Variants in CRISPLD2 observed in about 807,000 individuals in gnomAD.
CRISPLD2 encodes the protein cysteine-rich secretory protein LCCL domain-containing 2.
A neutral mutation model predicts 71.1 loss-of-function variants in CRISPLD2; 47 were observed. The observed-to-expected ratio is 0.66, with a 90% CI of 0.52 to 0.84. The LOEUF (loss-of-function observed/expected upper bound fraction) is 0.84, where lower values mean the gene tolerates loss of function less well. Among genes scored for constraint, CRISPLD2 ranks in the 40% least tolerant of loss-of-function variants. The pLI, the probability that CRISPLD2 is intolerant of heterozygous loss-of-function variation, is 0.00. For synonymous variants in CRISPLD2, 317 were observed against 250.1 expected (o/e 1.27, Z -2.52); for missense variants, 830 against 651.1 (o/e 1.27, Z -2.99).
chr16:84,832,512 A>G (rs918402741), intron 1 of CRISPLD2, among the ~76,000 whole-genome samples: 3 of 152,258 alleles, frequency 2.0e-5, no homozygotes, highest in African/African-American at 7.2e-5. Context: ...TTTATCAAAC[A>G]CTGACTTAGA....
intron 2 of CRISPLD2, among the ~76,000 whole-genome samples, chr16:84,843,830 G>A (rs1313702477): frequency 6.6e-6 from 1 of 152,218 alleles, no homozygotes; most frequent in East Asian, 1.9e-4. Flanking sequence ...TCCTGGTTGT[G>A]TGACCTCAGG....
intron 12 of CRISPLD2, among the ~76,000 whole-genome samples, chr16:84,878,219 G>A (rs1052890978): frequency 1.3e-5 from 2 of 148,958 alleles, no homozygotes; most frequent in South Asian, 2.1e-4. Flanking sequence ...GCGAGACTCC[G>A]TCTCAAAAAA....
At chr16:84,897,290 A>C (rs1462590361) in intron 14 of CRISPLD2, among the ~76,000 whole-genome samples, 1 of 83,210 alleles carries the variant, frequency 1.2e-5, no homozygotes, top group Non-Finnish European at 2.6e-5. Context: ...CTAAAAATAC[A>C]AAAAAAAAAA....
rs1190928597 is a variant in CRISPLD2, at chr16:84,906,670, T to C, written c.*28T>C. 2.5e-6 allele frequency: 4 copies of C among 1,613,420 alleles called. No individual in the cohort carries two copies. Among genetic ancestry groups the C allele is most frequent in the Admixed American group, 1.7e-5 (1 of 60,006 alleles). ...TTCCAGCACCAGGGGAGAAGGGGCG[T>C]CTTCAGGAGGGCTTCGGGGTTTTGC... On this transcript the variant is annotated 3_prime_UTR_variant, in exon 15 of 15. Coordinates refer to ENST00000262424, the MANE Select transcript of CRISPLD2 (RefSeq NM_031476.4).
At chr16:84,837,850 T>C (rs1916663570) in intron 1 of CRISPLD2, among the ~76,000 whole-genome samples, 1 of 152,222 alleles carries the variant, frequency 6.6e-6, no homozygotes, top group South Asian at 2.1e-4. Flanking sequence ...AACAAAAGGC[T>C]GAGGCCTTGG....
intron 8 of CRISPLD2, among the ~76,000 whole-genome samples, chr16:84,872,009 T>G (rs912655744): frequency 6.6e-6 from 1 of 152,102 alleles, no homozygotes; most frequent in African/African-American, 2.4e-5. Context: ...GTGTGTGGTA[T>G]TACAGTATAA....
chr16:84,900,036 CT>C (rs2071739615), intron 14 of CRISPLD2, among the ~76,000 whole-genome samples: 1 of 152,108 alleles, frequency 6.6e-6, no homozygotes, highest in South Asian at 2.1e-4. Context: ...GGAATCTGAA[CT>C]TTCCAGAAAC....
intron 13 of CRISPLD2, among the ~76,000 whole-genome samples, chr16:84,884,139 A>G (rs8060715): frequency 0.24 from 36,867 of 152,038 alleles, 4,802 homozygotes; most frequent in African/African-American, 0.34. Context: ...GCCACCACAC[A>G]CAGCCCTTCT....
At chr16:84,822,483 C>T (rs1268696248) in intron 1 of CRISPLD2, among the ~76,000 whole-genome samples, 1 of 152,166 alleles carries the variant, frequency 6.6e-6, no homozygotes, top group Admixed American at 6.5e-5. Context: ...CTGTCACCAG[C>T]GTCATTTGCT....
At chr16:84,888,187 C>T (rs1447116476) in intron 13 of CRISPLD2, among the ~76,000 whole-genome samples, 2 of 152,192 alleles carry the variant, frequency 1.3e-5, no homozygotes, top group African/African-American at 2.4e-5. Flanking sequence ...CCTTTTCCGG[C>T]TTCTAGAGGC....
intron 13 of CRISPLD2, among the ~76,000 whole-genome samples, chr16:84,884,004 C>G (rs1597478131): frequency 6.6e-6 from 1 of 152,084 alleles, no homozygotes; most frequent in East Asian, 1.9e-4. Context: ...CCACCCACAC[C>G]CAGCTAATCT....
intron 13 of CRISPLD2, among the ~76,000 whole-genome samples, chr16:84,887,774 G>T (rs2071625933): frequency 6.6e-6 from 1 of 152,136 alleles, no homozygotes; most frequent in Non-Finnish European, 1.5e-5. Flanking sequence ...TACTCAAGAG[G>T]CTGAGGCAGA....
chr16:84,883,370 C>T (rs1474448996), intron 13 of CRISPLD2, among the ~76,000 whole-genome samples: 1 of 152,230 alleles, frequency 6.6e-6, no homozygotes. Flanking sequence ...GCAGACCCCT[C>T]GCTGTGTGGT....
intron 11 of CRISPLD2, among the ~76,000 whole-genome samples, chr16:84,875,657 A>T (rs931054148): frequency 2.0e-5 from 3 of 151,506 alleles, no homozygotes; most frequent in African/African-American, 7.3e-5. Flanking sequence ...CATGGGTTCA[A>T]GTGATTCTCC....
chr16:84,884,653 G>T (rs1043069217), intron 13 of CRISPLD2, among the ~76,000 whole-genome samples: 1 of 152,190 alleles, frequency 6.6e-6, no homozygotes, highest in Admixed American at 6.5e-5. Context: ...AGGAGGAAAG[G>T]TGTTTGCGTG....
chr16:84,862,124 CCT>C (rs1917400405), intron 6 of CRISPLD2, among the ~76,000 whole-genome samples: 1 of 152,170 alleles, frequency 6.6e-6, no homozygotes, highest in African/African-American at 2.4e-5. Context: ...CTGGTGCTCC[CCT>C]GACTGTGCTA....
intron 6 of CRISPLD2, among the ~76,000 whole-genome samples, chr16:84,858,622 C>T (rs1365031757): frequency 6.6e-6 from 1 of 152,220 alleles, no homozygotes; most frequent in Non-Finnish European, 1.5e-5. Flanking sequence ...GTCTTCAGTG[C>T]AATGGAGCAG....
At chr16:84,841,321 G>A (rs866946868) in intron 2 of CRISPLD2, among the ~76,000 whole-genome samples, 6 of 152,102 alleles carry the variant, frequency 3.9e-5, no homozygotes, top group South Asian at 2.1e-4. Flanking sequence ...AGCCACCACC[G>A]CCTCGTGAGT....
intron 1 of CRISPLD2, among the ~76,000 whole-genome samples, chr16:84,827,184 G>C (rs1916373463): frequency 6.6e-6 from 1 of 151,648 alleles, no homozygotes; most frequent in Non-Finnish European, 1.5e-5. Context: ...CACAGGCTGG[G>C]TTTGCCTGGT....
Sources: gnomAD v4.1 joint callset for allele counts (sites outside exome capture counted in the v4.1 genomes callset) on GRCh38, gnomAD v4.1.1 for gene constraint, MANE v1.5 for transcripts, NCBI Gene and HGNC (gene_info 2026-07-23, HGNC 2026-07-21) for gene names.